The following NLRP14 variants were observed in gnomAD, a reference collection of about 807,000 sequenced individuals.
NLRP14 encodes NLR family pyrin domain containing 14.
In NLRP14, 105 loss-of-function variants were observed where a neutral mutation model predicts 94.7. That is an observed-to-expected ratio of 1.11 (90% confidence interval 0.95 to 1.30). NLRP14 has a LOEUF of 1.30. NLRP14 is among the 50% of genes most tolerant of loss of function. NLRP14 has a pLI of 0.00. For missense variants in NLRP14, 1,362 were observed against 1,254.1 expected, an observed-to-expected ratio of 1.09 and a Z score of -1.30; for synonymous variants, 508 against 459.9, an observed-to-expected ratio of 1.10 and a Z score of -1.34.
intron 5 of NLRP14, among the ~76,000 whole-genome samples, chr11:7,049,137 A>G (rs1273023764): frequency 6.6e-6 from 1 of 152,166 alleles, no homozygotes; most frequent in Non-Finnish European, 1.5e-5. Context: ...GAAATATCTG[A>G]CATTGACTGA....
At chr11:7,028,007 A>C (rs1852038533) in intron 1 of NLRP14, among the ~76,000 whole-genome samples, 1 of 152,124 alleles carries the variant, frequency 6.6e-6, no homozygotes, top group Admixed American at 6.5e-5. Flanking sequence ...GTGACTTCTA[A>C]ACAGTAGAGT....
chr11:7,027,059 A>T (rs533729702), intron 1 of NLRP14, among the ~76,000 whole-genome samples: 92 of 152,172 alleles, frequency 6.0e-4, no homozygotes, highest in Non-Finnish European at 9.3e-4. Context: ...GCCCCTTTTT[A>T]GCTAGAAGCC....
Position 7,043,712 on chromosome 11 carries a change from G to C in NLRP14, c.1686G>C (p.Gln562His). 5 of 1,613,980 alleles carry C rather than the reference G, an allele frequency of 3.1e-6. No homozygotes were observed. The highest frequency in any genetic ancestry group is 4.2e-6 in the Non-Finnish European group (5 of 1,179,860). ...TGAAGATAAAATCAAAGTTACTTCA[G>C]TGTATGGAAGTATTAGGAAACAGTG... Reference protein sequence around the residue: ...MSLKIKSKLLQCMEVLGNSDY... With the variant: ...MSLKIKSKLLHCMEVLGNSDY... The change falls in exon 4 of 12, where the codon CAG (glutamine) becomes CAC (histidine). Residue 562 changes from glutamine (Q) to histidine (H), a missense_variant. By Grantham distance (24) the Gln-to-His change is conservative (BLOSUM62 0). Coordinates refer to ENST00000299481, the MANE Select transcript of NLRP14 (RefSeq NM_176822.4).
downstream of NLRP14, among the ~76,000 whole-genome samples, chr11:7,074,837 G>A (rs939727628): frequency 2.0e-5 from 3 of 152,166 alleles, no homozygotes; most frequent in South Asian, 2.1e-4. Flanking sequence ...AAAAGGGGAC[G>A]TGTCAGTGAA....
At chr11:7,067,968 T>A (rs892004798) in intron 10 of NLRP14, among the ~76,000 whole-genome samples, 2 of 152,144 alleles carry the variant, frequency 1.3e-5, no homozygotes, top group African/African-American at 4.8e-5. Flanking sequence ...TTCAATTTTT[T>A]AAATAATTAT....
intron 10 of NLRP14, among the ~76,000 whole-genome samples, chr11:7,069,115 T>C (rs1189250481): frequency 1.3e-5 from 2 of 152,234 alleles, no homozygotes; most frequent in Admixed American, 6.5e-5. Context: ...GTCTTCTATA[T>C]TTTGAGACTA....
At chr11:7,064,421 G>T (rs987580882) in intron 10 of NLRP14, among the ~76,000 whole-genome samples, 1 of 151,990 alleles carries the variant, frequency 6.6e-6, no homozygotes, top group African/African-American at 2.4e-5. Context: ...TAATTATTTT[G>T]CCAGGCCAAG....
At chr11:7,068,354 C>A (rs1242551534) in intron 10 of NLRP14, among the ~76,000 whole-genome samples, 3 of 152,156 alleles carry the variant, frequency 2.0e-5, no homozygotes, top group Admixed American at 2.0e-4. Flanking sequence ...TTTAAGGTTA[C>A]AACTTCCCTT....
intron 10 of NLRP14, among the ~76,000 whole-genome samples, chr11:7,063,102 A>T (rs1403297333): frequency 6.6e-6 from 1 of 152,076 alleles, no homozygotes; most frequent in Non-Finnish European, 1.5e-5. Context: ...ATCTCCCCTG[A>T]CTCTTCCAAG....
At chr11:7,056,514 A>AC (rs1231568748) in intron 6 of NLRP14, among the ~76,000 whole-genome samples, 1 of 87,226 alleles carries the variant, frequency 1.1e-5, no homozygotes, top group African/African-American at 4.0e-5. Flanking sequence ...TAGCACTAAT[A>AC]CAAAAAAAAA....
At chr11:7,036,788 G>A (rs931988910) in intron 1 of NLRP14, among the ~76,000 whole-genome samples, 1 of 152,106 alleles carries the variant, frequency 6.6e-6, no homozygotes, top group Non-Finnish European at 1.5e-5. Flanking sequence ...GATTGAAGAA[G>A]TTTGACTATG....
the NLRP14 span, among the ~76,000 whole-genome samples, chr11:7,087,627 CTT>C: frequency 3.3e-5 from 5 of 152,230 alleles, no homozygotes; most frequent in South Asian, 6.2e-4. Context: ...AATTTATAAA[CTT>C]AGCATTTTTA....
Position 7,038,547 on chromosome 11 carries a change from ATTTT to A in NLRP14, c.-21-14_-21-11del. 1 of 1,589,666 alleles carries A rather than the reference ATTTT, an allele frequency of 6.3e-7. No homozygotes were observed. The highest frequency in any genetic ancestry group is 8.6e-7 in the Non-Finnish European group (1 of 1,159,904). On this transcript the variant is annotated splice_polypyrimidine_tract_variant and intron_variant, in intron 1 of 11. Coordinates refer to ENST00000299481, the MANE Select transcript of NLRP14 (RefSeq NM_176822.4). ...CCATTTATTCCATGTGCTTTTGGTT[ATTTT>A]TTTTCCCCCCACAGAGGCCTGAATA...
the NLRP14 span, chr11:7,088,986 C>T: frequency 9.5e-7 from 1 of 1,048,192 alleles, no homozygotes; most frequent in Admixed American, 2.2e-5. Context: ...GGGGCTCCGG[C>T]TGCGGTTCCG....
intron 1 of NLRP14, among the ~76,000 whole-genome samples, chr11:7,022,395 T>C (rs866406941): frequency 2.6e-5 from 4 of 152,192 alleles, no homozygotes; most frequent in Admixed American, 6.5e-5. Flanking sequence ...AGATTCTTCA[T>C]AGCAAATAAT....
At chr11:7,065,024 G>A (rs1589873326) in intron 10 of NLRP14, among the ~76,000 whole-genome samples, 1 of 151,884 alleles carries the variant, frequency 6.6e-6, no homozygotes, top group South Asian at 2.1e-4. Context: ...ACGCACTACA[G>A]CAATTCTTCC....
intron 6 of NLRP14, among the ~76,000 whole-genome samples, chr11:7,054,750 G>A (rs1398112945): frequency 2.6e-5 from 4 of 151,936 alleles, no homozygotes; most frequent in Non-Finnish European, 5.9e-5. Context: ...CAATTTTATG[G>A]GTTGTCTGTT....
chr11:7,046,271 T>A (rs1029349897), intron 4 of NLRP14, among the ~76,000 whole-genome samples: 10 of 152,214 alleles, frequency 6.6e-5, no homozygotes, highest in African/African-American at 2.4e-4. Context: ...CCTGTGGTTT[T>A]TAATCTATAC....
rs760003462 is a variant in NLRP14, at chr11:7,046,804, C to T, written c.2095C>T (p.His699Tyr). The T allele has an allele frequency of 1.2e-6, 2 of 1,613,422 alleles. No homozygotes were observed. Among genetic ancestry groups the T allele is most frequent in the African/African-American group, 2.7e-5 (2 of 74,918 alleles). The change falls in exon 5 of 12, where the codon CAC (histidine) becomes TAC (tyrosine). Residue 699 changes from histidine to tyrosine, a missense_variant. Coordinates refer to ENST00000299481, the MANE Select transcript of NLRP14 (RefSeq NM_176822.4). ...AMNILHHELR[H>Y]PNCKLQKLLL... ...GAATATCCTGCATCATGAACTAAGG[C>T]ACCCAAACTGTAAACTACAAAAGCT...
Sources: allele counts gnomAD v4.1 joint callset (sites outside exome capture counted in the v4.1 genomes callset), GRCh38; gene constraint gnomAD v4.1.1; transcripts MANE v1.5; gene names NCBI Gene and HGNC (gene_info 2026-07-23, HGNC 2026-07-21).